HIC1: variants seen among roughly 807,000 people sequenced by gnomAD.
HIC1 encodes HIC ZBTB transcriptional repressor 1, also known as hypermethylated in cancer 1 protein.
A neutral mutation model predicts 26.4 loss-of-function variants in HIC1; 9 were observed. That is an observed-to-expected ratio of 0.34 (90% CI 0.21 to 0.59). HIC1 has a LOEUF of 0.59. Ranked by LOEUF, HIC1 falls within the 20% of genes least tolerant of loss-of-function variation. The pLI, the probability that HIC1 is intolerant of heterozygous loss-of-function variation, is 0.82. For missense variants in HIC1, 965 were observed against 1,075.7 expected, an observed-to-expected ratio of 0.90 and a Z score of 1.44; for synonymous variants, 631 against 523.1, an observed-to-expected ratio of 1.21 and a Z score of -2.81.
chr17:2,057,640 C>A lies in HIC1; in HGVS notation c.950C>A (p.Pro317Gln), dbSNP rs868502185. 2 of 1,517,328 alleles carry A rather than the reference C, an allele frequency of 1.3e-6. No homozygotes were observed. Among genetic ancestry groups the A allele is most frequent in the Non-Finnish European group, 8.8e-7 (1 of 1,139,988 alleles). 94.0% of individuals were successfully genotyped at this position (1,517,328 alleles called of 1,614,324 possible). A position where few individuals can be genotyped will look rare whatever the true frequency, so the allele number is the denominator to read the frequency against. ...CTCTATCGCTGGATGAAGCACGAGC[C>A]GGGCCTGGGTAGCTATGGCGACGAG... is the stretch of plus-strand genomic sequence containing the variant. ...SLLYRWMKHE[P>Q]GLGSYGDELG... is the part of the protein sequence containing the mutation. The change falls in exon 2 of 2, where the codon CCG becomes CAG. Residue 317 changes from proline (P) to glutamine (Q), a missense_variant. Around this residue, in one of 6 missense-constraint regions of HIC1, gnomAD observed 526 missense variants for 525.0 expected, o/e 1.00. Transcript: ENST00000619757.
Position 2,056,972 on chromosome 17 carries a change from T to TGCGGCC in HIC1, c.290_295dup (p.Ala97_Ala98dup). 6 of 1,582,434 alleles carry TGCGGCC rather than the reference T, an allele frequency of 3.8e-6. No individual in the cohort carries two copies. The highest frequency in any genetic ancestry group is 2.4e-5 in the East Asian group (1 of 41,908). On this transcript the variant is annotated inframe_insertion, in exon 2 of 2. Coordinates refer to ENST00000619757, the MANE Select transcript of HIC1 (RefSeq NM_006497.4). ...GCCTGGCTGACGGCGCAGAGGCGGC[T>TGCGGCC]GCGGCCGCGGCCGTGGCCCCGGGGG... is the stretch of plus-strand genomic sequence containing the variant.
rs959119804 is a variant in HIC1, at chr17:2,061,238, G to A, written c.*2403G>A. 4.6e-6 allele frequency: 2 copies of A among 434,710 alleles called. No individual in the cohort carries two copies. Among genetic ancestry groups the A allele is most frequent in the East Asian group, 8.8e-5 (2 of 22,706 alleles). 26.9% of individuals were successfully genotyped at this position (434,710 alleles called of 1,614,324 possible). On this transcript the variant is annotated 3_prime_UTR_variant, in exon 2 of 2. Transcript: ENST00000619757. ...GGCCTATCTGGCTTGCCCAGCTGCT[G>A]TTGCTGTAGCCAGCCACCTCCCTGC...
chr17:2,059,819 G>C lies in HIC1; in HGVS notation c.*984G>C, dbSNP rs2067721086. The C allele has an allele frequency of 6.0e-6, 1 of 166,868 alleles. No homozygotes were observed. Among genetic ancestry groups the C allele is most frequent in the South Asian group, 2.1e-4 (1 of 4,832 alleles). 10.3% of individuals were successfully genotyped at this position (166,868 alleles called of 1,614,324 possible). A position where few individuals can be genotyped will look rare whatever the true frequency, so the allele number is the denominator to read the frequency against. On this transcript the variant is annotated 3_prime_UTR_variant, in exon 2 of 2. Transcript: ENST00000619757. ...GGACCTGCCTCCCTCCCCAGTCCCA[G>C]AAACAGATCAGCAAGAGGTCAGGTA...
rs1156404464 is a variant in HIC1 at position 2,057,527 on chromosome 17, G to A, written c.837G>A (p.Glu279=). ...SLPPLPFQKL[E]EAAPPSDPFR... Reference sequence around the variant, plus strand: ...CGCCGCTGCCCTTCCAGAAGCTGGAGGAGGCCGCACCGCCTTCCGACCCAT... The same window carrying A: ...CGCCGCTGCCCTTCCAGAAGCTGGAAGAGGCCGCACCGCCTTCCGACCCAT... The change falls in exon 2 of 2, where the codon GAG becomes GAA. Residue 279 remains glutamate, a synonymous_variant. Transcript: ENST00000619757. The A allele has an allele frequency of 1.3e-6, 2 of 1,495,212 alleles. No individual in the cohort carries two copies. The highest frequency in any genetic ancestry group is 2.1e-5 in the Admixed American group (1 of 47,500). 92.6% of individuals were successfully genotyped at this position (1,495,212 alleles called of 1,614,324 possible). A position where few individuals can be genotyped will look rare whatever the true frequency, so the allele number is the denominator to read the frequency against.
rs941552735 is a variant in HIC1, at chr17:2,055,184, C to G, written c.-75C>G. 6.6e-6 allele frequency: 1 copy of G among 151,946 alleles called. No individual in the cohort carries two copies. 9.4% of individuals were successfully genotyped at this position (151,946 alleles called of 1,614,324 possible). Reference sequence around the variant, plus strand: ...CGGCGGGCGGAGGGCAGCGCAGCCACGTCCCCCCTGGATCCGCCGTCAGCC... The same window carrying G: ...CGGCGGGCGGAGGGCAGCGCAGCCAGGTCCCCCCTGGATCCGCCGTCAGCC... On this transcript the variant is annotated 5_prime_UTR_variant, in exon 1 of 2. Coordinates refer to ENST00000619757, the MANE Select transcript of HIC1 (RefSeq NM_006497.4). The surrounding 1 kb of genome is among the most constrained non-coding windows in gnomAD (Gnocchi z 6.4).
In HIC1 at chr17:2,058,147, G is replaced by T. The variant is rs1444864162; in HGVS notation, c.1457G>T (p.Arg486Leu). ...GAPGGLGELL[R>L]PYRCASCDKS... The stretch of plus-strand genomic sequence containing the variant: ...CCGGGTGGCCTGGGAGAGCTGCTGC[G>T]GCCCTACCGCTGCGCGTCGTGCGAC... The change falls in exon 2 of 2, where the codon CGG (arginine) becomes CTG (leucine). Residue 486 changes from arginine (R) to leucine (L), a missense_variant. Around this residue, in one of 6 missense-constraint regions of HIC1, gnomAD observed 105 missense variants for 101.4 expected, o/e 1.04. Transcript: ENST00000619757. The T allele has an allele frequency of 6.2e-7, 1 of 1,607,812 alleles. No individual in the cohort carries two copies.
In HIC1 at chr17:2,058,454, C is replaced by A. The variant is rs780791841; in HGVS notation, c.1764C>A (p.Ile588=). 6.9e-6 allele frequency: 11 copies of A among 1,589,958 alleles called. No homozygotes were observed. The highest frequency in any genetic ancestry group is 5.7e-5 in the South Asian group (5 of 87,892). ...AGTTCGCACAGCAACGCAACCTCAT[C>A]AGCCACATGAAGATGCACGCCGTGG... ...GGKFAQQRNL[I]SHMKMHAVGG... is the part of the protein sequence containing the mutation. Residue 588 remains isoleucine (I), a synonymous_variant, in exon 2 of 2, where the codon ATC becomes ATA. Transcript: ENST00000619757.
At position 2,057,170 on chromosome 17, in the gene HIC1, G is replaced by A. The variant is rs1217674715; in HGVS notation, c.480G>A (p.Arg160=). The A allele has an allele frequency of 3.0e-6, 4 of 1,327,160 alleles. No individual in the cohort carries two copies. Among genetic ancestry groups the A allele is most frequent in the East Asian group, 6.5e-5 (2 of 30,838 alleles). The allele number at this position is 1,327,160 out of a possible 1,614,324, so 82.2% of individuals were successfully genotyped here. A position where few individuals can be genotyped will look rare whatever the true frequency, so the allele number is the denominator to read the frequency against. Residue 160 remains arginine (R), a synonymous_variant, in exon 2 of 2, where the codon CGG becomes CGA. Coordinates refer to ENST00000619757, the MANE Select transcript of HIC1 (RefSeq NM_006497.4). ...ATGGTCGGCCGGGCCGGGGCCTGCGGGCCGCCACGCCGGTCATCCAGGCCT... is the reference window on the plus strand; with the variant it reads ...ATGGTCGGCCGGGCCGGGGCCTGCGAGCCGCCACGCCGGTCATCCAGGCCT... ...APYGRPGRGL[R]AATPVIQACY... is the part of the protein sequence containing the mutation.
chr17:2,061,675 TG>T lies in HIC1; in HGVS notation c.*2842del. 6.5e-7 allele frequency: 1 copy of T among 1,539,102 alleles called. No individual in the cohort carries two copies. Among genetic ancestry groups the T allele is most frequent in the Non-Finnish European group, 8.8e-7 (1 of 1,139,558 alleles). On this transcript the variant is annotated 3_prime_UTR_variant, in exon 2 of 2. Transcript: ENST00000619757. ...TCACTGAGGACAGGAGGCAGAGGGC[TG>T]GCTGCTCTTCTCACCCTGGAGAATG...
rs1440665971 is a variant in HIC1 at position 2,057,577 on chromosome 17, G to A, written c.887G>A (p.Gly296Glu). Reference protein sequence around the residue: ...DPFRGGSGSPGPEPPGRPDGP... With the variant: ...DPFRGGSGSPEPEPPGRPDGP... ...TTTCGCGGCGGCAGCGGCAGCCCGG[G>A]ACCCGAGCCCCCCGGCCGCCCCGAC... Residue 296 changes from glycine to glutamate, a missense_variant, in exon 2 of 2, where the codon GGA becomes GAA. Coordinates refer to ENST00000619757, the MANE Select transcript of HIC1 (RefSeq NM_006497.4). 1.2e-5 allele frequency: 18 copies of A among 1,505,212 alleles called. No homozygotes were observed. Among genetic ancestry groups the A allele is most frequent in the Non-Finnish European group, 1.6e-5 (18 of 1,132,480 alleles). 93.2% of individuals were successfully genotyped at this position (1,505,212 alleles called of 1,614,324 possible).
rs143756173 is a variant in HIC1 at position 2,056,978 on chromosome 17, C to T, written c.288C>T (p.Ala96=). 461 of 1,572,876 alleles carry T rather than the reference C, an allele frequency of 2.9e-4. No homozygotes were observed. Among genetic ancestry groups the T allele is most frequent in the Non-Finnish European group, 3.7e-4 (435 of 1,162,134 alleles). Residue 96 remains alanine (A), a synonymous_variant, in exon 2 of 2, where the codon GCC becomes GCT. Coordinates refer to ENST00000619757, the MANE Select transcript of HIC1 (RefSeq NM_006497.4). The part of the protein sequence containing the change: ...RLADGAEAAA[A]AAVAPGAEPS... ...CTGACGGCGCAGAGGCGGCTGCGGC[C>T]GCGGCCGTGGCCCCGGGGGCTGAGC... is the stretch of plus-strand genomic sequence containing the variant.
Position 2,058,448 on chromosome 17 carries a change from C to T in HIC1, c.1758C>T (p.Asn586=), listed in dbSNP as rs1344897297. 6.3e-7 allele frequency: 1 copy of T among 1,595,040 alleles called. No homozygotes were observed. The highest frequency in any genetic ancestry group is 8.5e-7 in the Non-Finnish European group (1 of 1,171,210). ...GCGGCAAGTTCGCACAGCAACGCAACCTCATCAGCCACATGAAGATGCACG... is the reference window on the plus strand; with the variant it reads ...GCGGCAAGTTCGCACAGCAACGCAATCTCATCAGCCACATGAAGATGCACG... ...VCGGKFAQQR[N]LISHMKMHAV... The change falls in exon 2 of 2, where the codon AAC becomes AAT. Residue 586 remains asparagine (N), a synonymous_variant. Coordinates refer to ENST00000619757, the MANE Select transcript of HIC1 (RefSeq NM_006497.4).
At position 2,056,255 on chromosome 17, in the gene HIC1, G is replaced by A. The variant is rs1317245362; in HGVS notation, c.-20-416G>A. ...TGGGGCAACTTCTCCCGAGGCGGGAGGCGCTGGTTCCTCGGCTCCCTTTCT... is the reference window on the plus strand; with the variant it reads ...TGGGGCAACTTCTCCCGAGGCGGGAAGCGCTGGTTCCTCGGCTCCCTTTCT... On this transcript the variant is annotated intron_variant, in intron 1 of 1. Transcript: ENST00000619757. 15 of 1,492,096 alleles carry A rather than the reference G, an allele frequency of 1.0e-5. No homozygotes were observed. In the South Asian group the frequency reaches 1.6e-4, roughly 16 times the overall value. 92.4% of individuals were successfully genotyped at this position (1,492,096 alleles called of 1,614,324 possible).
Position 2,058,883 on chromosome 17 carries a change from G to C in HIC1, c.*48G>C. 1.5e-6 allele frequency: 2 copies of C among 1,357,306 alleles called. No individual in the cohort carries two copies. The highest frequency in any genetic ancestry group is 1.8e-5 in the South Asian group (1 of 57,016). The allele number at this position is 1,357,306 out of a possible 1,614,324, so 84.1% of individuals were successfully genotyped here. A position where few individuals can be genotyped will look rare whatever the true frequency, so the allele number is the denominator to read the frequency against. ...TGTCGCTGCTGCGCGGCCCTGGCCC[G>C]CACCCCAGGGAGCGGCGGGGGCGGC... On this transcript the variant is annotated 3_prime_UTR_variant, in exon 2 of 2. Transcript: ENST00000619757.
Position 2,061,787 on chromosome 17 carries a change from C to T in HIC1, c.*2952C>T. The T allele has an allele frequency of 1.3e-6, 1 of 779,008 alleles. No homozygotes were observed. The highest frequency in any genetic ancestry group is 1.7e-5 in the South Asian group (1 of 57,800). 48.3% of individuals were successfully genotyped at this position (779,008 alleles called of 1,614,324 possible). A position where few individuals can be genotyped will look rare whatever the true frequency, so the allele number is the denominator to read the frequency against. On this transcript the variant is annotated 3_prime_UTR_variant, in exon 2 of 2. Transcript: ENST00000619757. Reference sequence around the variant, plus strand: ...CCGTCCGGGCTCTCAGCCCCGGGGACCCTCCCCTGCTGGCCTAGAGAGGGC... The same window carrying T: ...CCGTCCGGGCTCTCAGCCCCGGGGATCCTCCCCTGCTGGCCTAGAGAGGGC...
At position 2,057,607 on chromosome 17, in the gene HIC1, C is replaced by T; in HGVS notation, c.917C>T (p.Pro306Leu). ...GAGCCCCCCGGCCGCCCCGACGGGCCTAGTCTCCTCTATCGCTGGATGAAG... is the reference window on the plus strand; with the variant it reads ...GAGCCCCCCGGCCGCCCCGACGGGCTTAGTCTCCTCTATCGCTGGATGAAG... ...GPEPPGRPDG[P>L]SLLYRWMKHE... The change falls in exon 2 of 2, where the codon CCT becomes CTT. Residue 306 changes from proline (P) to leucine (L), a missense_variant. By Grantham distance (98) the Pro-to-Leu change is moderately conservative. This residue lies in a region of HIC1 where 526 missense variants were observed against 525.0 expected (regional missense o/e 1.00). Coordinates refer to ENST00000619757, the MANE Select transcript of HIC1 (RefSeq NM_006497.4). 1 of 1,510,600 alleles carries T rather than the reference C, an allele frequency of 6.6e-7. No homozygotes were observed. The highest frequency in any genetic ancestry group is 8.8e-7 in the Non-Finnish European group (1 of 1,135,716). The allele number at this position is 1,510,600 out of a possible 1,614,324, so 93.6% of individuals were successfully genotyped here. A position where few individuals can be genotyped will look rare whatever the true frequency, so the allele number is the denominator to read the frequency against.
In HIC1 at chr17:2,057,985, A is replaced by G. The variant is rs1276779955; in HGVS notation, c.1295A>G (p.Gln432Arg). The change falls in exon 2 of 2, where the codon CAG becomes CGG. Residue 432 changes from glutamine to arginine, a missense_variant. Gln to Arg is a conservative substitution (Grantham distance 43). Coordinates refer to ENST00000619757, the MANE Select transcript of HIC1 (RefSeq NM_006497.4). ...PCGKGFPSSE[Q>R]LNAHVEAHVE... ...GGCAAGGGCTTCCCCAGCTCTGAGC[A>G]GCTGAACGCGCACGTGGAGGCTCAC... 6.2e-7 allele frequency: 1 copy of G among 1,609,448 alleles called. No individual in the cohort carries two copies.
At position 2,057,302 on chromosome 17, in the gene HIC1, C is replaced by A. The variant is rs1226776116; in HGVS notation, c.612C>A (p.Pro204=). ...GCGCCGAGCTGTACGCGTCGGGACC[C>A]GGCCCGGCCGCCGCACTCTGTGCCT... The part of the protein sequence containing the change: ...THCAELYASG[P]GPAAALCASE... Residue 204 remains proline (P), a synonymous_variant, in exon 2 of 2, where the codon CCC becomes CCA. Transcript: ENST00000619757. The A allele has an allele frequency of 3.3e-6, 5 of 1,495,202 alleles. No individual in the cohort carries two copies. The highest frequency in any genetic ancestry group is 4.4e-6 in the Non-Finnish European group (5 of 1,130,760). 92.6% of individuals were successfully genotyped at this position (1,495,202 alleles called of 1,614,324 possible). A position where few individuals can be genotyped will look rare whatever the true frequency, so the allele number is the denominator to read the frequency against.
Position 2,058,724 on chromosome 17 carries a change from C to A in HIC1, c.2034C>A (p.Phe678Leu). The change falls in exon 2 of 2, where the codon TTC becomes TTA. Residue 678 changes from phenylalanine to leucine, a missense_variant. Physicochemically the swap from Phe to Leu is conservative, Grantham distance 22. Transcript: ENST00000619757. ...AGAGCCTCTACCCGCTGGCCAAGTTCACGGCCGAGCTGGGCCTCAGCCCCG... is the reference window on the plus strand; with the variant it reads ...AGAGCCTCTACCCGCTGGCCAAGTTAACGGCCGAGCTGGGCCTCAGCCCCG... ...ALESLYPLAK[F>L]TAELGLSPDK... is the part of the protein sequence containing the mutation. 6.5e-7 allele frequency: 1 copy of A among 1,534,184 alleles called. No individual in the cohort carries two copies. The highest frequency in any genetic ancestry group is 8.7e-7 in the Non-Finnish European group (1 of 1,144,532).
Sources: allele counts gnomAD v4.1 joint callset, GRCh38; gene constraint gnomAD v4.1.1; regional missense constraint gnomAD v4.1.1; non-coding constraint Gnocchi (gnomAD v3.1); transcripts MANE v1.5; gene names NCBI Gene and HGNC (gene_info 2026-07-23, HGNC 2026-07-21).